The following TLE1 variants were observed in gnomAD, a reference collection of about 807,000 sequenced individuals.
TLE1 encodes transducin-like enhancer protein 1.
A neutral mutation model predicts 89.8 loss-of-function variants in TLE1; 21 were observed. The ratio of observed to expected loss-of-function variants is 0.23; its 90% confidence interval spans 0.17 to 0.34. TLE1 has a LOEUF of 0.34. Among genes scored for constraint, TLE1 ranks in the 10% least tolerant of loss-of-function variants. TLE1 has a pLI of 1.00. For missense variants in TLE1, 795 were observed against 1,031.2 expected (o/e 0.77, Z 3.14); for synonymous variants, 447 against 407.6 (o/e 1.10, Z -1.16).
rs145005093 is a variant in TLE1, at chr9:81,649,357, C to T, written c.372+2857G>A. On this transcript the variant is annotated intron_variant, in intron 6 of 19. Transcript: ENST00000376499. ...CCTCTCTCTGTCTCCTCGAAGAGCA[C>T]CCACAGGCCCAAGACACACCTTGAA... Among the ~76,000 whole-genome samples the T allele has an allele frequency of 2.6e-3, 400 of 152,240 alleles. 5 individuals are homozygous for T. The highest frequency in any genetic ancestry group is 9.2e-3 in the African/African-American group (382 of 41,532).
At chr9:81,634,367 G>A (rs1431468789) in intron 6 of TLE1, 66 bp from the exon 7 acceptor site, 8 of 1,316,156 alleles carry the variant, frequency 6.1e-6, no homozygotes, top group East Asian at 5.3e-5. Context: ...CAGTGATGGC[G>A]ATGGAGGCGG....
chr9:81,685,550 G>A (rs937009550), intron 4 of TLE1, 126 bp downstream of exon 4: 5 of 897,306 alleles, frequency 5.6e-6, no homozygotes, highest in Non-Finnish European at 6.7e-6. Context: ...CACAGGACAG[G>A]AAACCAAGGC....
chr9:81,595,567 C>G (rs925248350), intron 14 of TLE1, among the ~76,000 whole-genome samples: 28 of 152,182 alleles, frequency 1.8e-4, no homozygotes, highest in Admixed American at 5.2e-4. Flanking sequence ...GCCTGTAATC[C>G]CAGCACTCTG....
intron 4 of TLE1, among the ~76,000 whole-genome samples, chr9:81,660,171 T>C (rs200661439): frequency 3.9e-4 from 60 of 152,196 alleles, no homozygotes; most frequent in Admixed American, 2.0e-4. Flanking sequence ...CTGTGACACA[T>C]TTCTTTGCCG....
chr9:81,633,200 A>T (rs1319405014), intron 8 of TLE1, 148 bp downstream of exon 8: 3 of 1,366,400 alleles, frequency 2.2e-6, no homozygotes, highest in Non-Finnish European at 1.9e-6. Flanking sequence ...GAAAAAAAGT[A>T]AAAGAAAAAA....
At chr9:81,673,504 T>C (rs1284144735) in intron 4 of TLE1, among the ~76,000 whole-genome samples, 1 of 152,050 alleles carries the variant, frequency 6.6e-6, no homozygotes, top group Non-Finnish European at 1.5e-5. Context: ...GGGACTGCTA[T>C]TTAGATCACA....
chr9:81,641,557 C>T (rs562796720), intron 6 of TLE1, among the ~76,000 whole-genome samples: 2 of 152,108 alleles, frequency 1.3e-5, no homozygotes, highest in Non-Finnish European at 2.9e-5. Context: ...GAGTTAACAT[C>T]CAAAAAACTC....
In TLE1 at chr9:81,684,022, T is replaced by C. The variant is rs991401204; in HGVS notation, c.234+1654A>G. On this transcript the variant is annotated intron_variant, in intron 4 of 19. Transcript: ENST00000376499. ...CATATAGCATCACACTGAGGTGGTG[T>C]TCCCTTGTAAAAGAGTCAATGAGGT... Among the ~76,000 whole-genome samples, 4 of 152,082 alleles carry C rather than the reference T, an allele frequency of 2.6e-5. No individual in the cohort carries two copies. The South Asian group carries it at 8.3e-4, about 32-fold the overall frequency.
At chr9:81,622,016 G>A (rs955246917) in intron 8 of TLE1, among the ~76,000 whole-genome samples, 5 of 152,100 alleles carry the variant, frequency 3.3e-5, no homozygotes, top group African/African-American at 7.2e-5. Flanking sequence ...AAGGTGAGCC[G>A]GCTGGATCCC....
intron 8 of TLE1, among the ~76,000 whole-genome samples, chr9:81,631,199 A>G (rs1826554340): frequency 6.6e-6 from 1 of 152,352 alleles, no homozygotes; most frequent in African/African-American, 2.4e-5. Context: ...GAACTGCTTC[A>G]TACTTCTTGA....
intron 8 of TLE1, among the ~76,000 whole-genome samples, chr9:81,631,914 C>T (rs1041756450): frequency 2.6e-5 from 4 of 152,142 alleles, no homozygotes; most frequent in African/African-American, 9.7e-5. Context: ...ACCAGCCTGA[C>T]CAACATGGAG....
chr9:81,646,179 C>T (rs1032608413), intron 6 of TLE1, among the ~76,000 whole-genome samples: 2 of 152,178 alleles, frequency 1.3e-5, no homozygotes, highest in African/African-American at 4.8e-5. Context: ...GTAAATGCTT[C>T]AACACTTTTC....
At chr9:81,603,864 T>C (rs1831281552) in intron 14 of TLE1, among the ~76,000 whole-genome samples, 1 of 152,032 alleles carries the variant, frequency 6.6e-6, no homozygotes, top group Non-Finnish European at 1.5e-5. Context: ...TAGCCGGACA[T>C]GGCGGTGTAC....
intron 4 of TLE1, among the ~76,000 whole-genome samples, chr9:81,675,698 G>GTTTGTTTTTTTTTTTTTTTTTTTTTT (rs1554701835): frequency 1.2e-4 from 16 of 129,674 alleles, no homozygotes; most frequent in African/African-American, 4.9e-4. Flanking sequence ...ACTCACACTA[G>GTTTGTTTTTTTTTTTTTTTTTTTTTT]TTTTTTTTTG....
chr9:81,653,822 T>C (rs893919454), intron 5 of TLE1, 152 bp downstream of exon 5: 14 of 649,358 alleles, frequency 2.2e-5, no homozygotes, highest in East Asian at 8.3e-5. Context: ...CTCAGATGTG[T>C]TGGATAGACT....
chr9:81,681,352 A>G (rs994239588), intron 4 of TLE1, among the ~76,000 whole-genome samples: 2 of 152,038 alleles, frequency 1.3e-5, no homozygotes, highest in African/African-American at 4.8e-5. Context: ...GGAGTTCGAG[A>G]CCAGCCTAGC....
At chr9:81,598,093 G>C (rs1406534190) in intron 14 of TLE1, among the ~76,000 whole-genome samples, 1 of 152,162 alleles carries the variant, frequency 6.6e-6, no homozygotes, top group Admixed American at 6.5e-5. Context: ...TGGCACTCTG[G>C]ATGTGAAATT....
At position 81,593,214 on chromosome 9, in the gene TLE1, G is replaced by A. The variant is rs769382201; in HGVS notation, c.1392C>T (p.Asp464=). Residue 464 remains aspartate, a synonymous_variant, in exon 15 of 20, where the codon GAC becomes GAT. Transcript: ENST00000376499. ...GGGGGATTCCGGGTCCGATGAGGGC[G>A]TCGGGGGGAAAAGGGACAGGCTGCA... The part of the protein sequence containing the change: ...GQMQPVPFPP[D]ALIGPGIPRH... The A allele has an allele frequency of 9.3e-6, 15 of 1,614,066 alleles. No individual in the cohort carries two copies. The highest frequency in any genetic ancestry group is 3.3e-5 in the South Asian group (3 of 91,080).
chr9:81,687,314 T>A lies in TLE1; in HGVS notation c.125+20A>T. The A allele has an allele frequency of 1.9e-6, 3 of 1,588,102 alleles. No homozygotes were observed. The highest frequency in any genetic ancestry group is 1.7e-6 in the Non-Finnish European group (2 of 1,168,262). ...ACCGGGACGCCCGCGACCACTCGCA[T>A]GGCGCGGCCGGACACGCACCTGTGA... On this transcript the variant is annotated intron_variant, in intron 2 of 19. Coordinates refer to ENST00000376499, the MANE Select transcript of TLE1 (RefSeq NM_005077.5).
Sources: allele counts gnomAD v4.1 joint callset (sites outside exome capture counted in the v4.1 genomes callset), GRCh38; gene constraint gnomAD v4.1.1; transcripts MANE v1.5; gene names NCBI Gene and HGNC (gene_info 2026-07-23, HGNC 2026-07-21).